OSBPL10: variants seen among roughly 807,000 people sequenced by gnomAD.
OSBPL10 encodes the protein oxysterol binding protein like 10, also known as oxysterol-binding protein-related protein 10.
A neutral mutation model predicts 81.7 loss-of-function variants in OSBPL10; 49 were observed. The ratio of observed to expected loss-of-function variants is 0.60; its 90% confidence interval spans 0.48 to 0.76. OSBPL10 has a LOEUF of 0.76. Among genes scored for constraint, OSBPL10 ranks in the 30% least tolerant of loss-of-function variants. The pLI, the probability that OSBPL10 is intolerant of heterozygous loss-of-function variation, is 0.00. For missense variants in OSBPL10, 923 were observed against 987.8 expected (o/e 0.93, Z 0.88); for synonymous variants, 419 against 383.6 (o/e 1.09, Z -1.08).
At chr3:31,776,401 T>C (rs534205766) in intron 4 of OSBPL10, among the ~76,000 whole-genome samples, 1 of 152,250 alleles carries the variant, frequency 6.6e-6, no homozygotes, top group South Asian at 2.1e-4. Flanking sequence ...CGAAAAACAG[T>C]TGGGCAGTTC....
At chr3:32,070,884 T>C (rs1699823751) in intron 1 of OSBPL10, among the ~76,000 whole-genome samples, 1 of 152,198 alleles carries the variant, frequency 6.6e-6, no homozygotes, top group African/African-American at 2.4e-5. Context: ...CTCTTTGCTT[T>C]TACCTGGACT....
chr3:31,871,279 G>A (rs376519477), intron 3 of OSBPL10, among the ~76,000 whole-genome samples: 1 of 151,988 alleles, frequency 6.6e-6, no homozygotes, highest in Non-Finnish European at 1.5e-5. Flanking sequence ...GAGCCCACCG[G>A]GAGGAAGGAA....
chr3:31,830,301 T>C, intron 3 of OSBPL10, 70 bp from the exon 4 acceptor site: 3 of 1,460,454 alleles, frequency 2.1e-6, no homozygotes, highest in Non-Finnish European at 2.8e-6. Flanking sequence ...TGGCTTCTAT[T>C]CATTTTGGAC....
At chr3:31,872,313 GA>G (rs1701349815) in intron 3 of OSBPL10, among the ~76,000 whole-genome samples, 1 of 152,224 alleles carries the variant, frequency 6.6e-6, no homozygotes, top group Non-Finnish European at 1.5e-5. Flanking sequence ...GCAAGGACAA[GA>G]AAGCAGGAGA....
intron 3 of OSBPL10, among the ~76,000 whole-genome samples, chr3:31,845,620 C>G (rs1016031741): frequency 6.6e-6 from 1 of 152,164 alleles, no homozygotes; most frequent in African/African-American, 2.4e-5. Context: ...CAGTAAGAAG[C>G]GGTTCTGTGT....
intron 3 of OSBPL10, among the ~76,000 whole-genome samples, chr3:31,870,942 GTATC>G (rs1701308074): frequency 6.6e-6 from 1 of 152,098 alleles, no homozygotes; most frequent in African/African-American, 2.4e-5. Flanking sequence ...TCTATACTCT[GTATC>G]TAACTAATCT....
chr3:31,778,590 T>C (rs1245724175), intron 4 of OSBPL10, among the ~76,000 whole-genome samples: 1 of 152,076 alleles, frequency 6.6e-6, no homozygotes, highest in African/African-American at 2.4e-5. Context: ...ATAACTGGTG[T>C]TCCTGAGAAA....
chr3:31,872,194 G>C (rs1423233105), intron 3 of OSBPL10, among the ~76,000 whole-genome samples: 1 of 152,308 alleles, frequency 6.6e-6, no homozygotes, highest in East Asian at 1.9e-4. Flanking sequence ...TTGTCTGTTT[G>C]TCAGTTTCTG....
At chr3:31,772,505 C>G (rs147794222) in intron 4 of OSBPL10, among the ~76,000 whole-genome samples, 15 of 152,282 alleles carry the variant, frequency 9.9e-5, no homozygotes, top group African/African-American at 3.6e-4. Context: ...GAAAATGAGG[C>G]CCAAAAGTGG....
chr3:31,761,471 C>CA (rs112468280), intron 4 of OSBPL10, among the ~76,000 whole-genome samples: 1,417 of 55,808 alleles, frequency 0.025, 13 homozygotes, highest in African/African-American at 0.054. Context: ...GACTCCATTT[C>CA]AAAAAAAAAA....
intron 1 of OSBPL10, among the ~76,000 whole-genome samples, chr3:31,914,574 T>C (rs781356955): frequency 1.5e-4 from 23 of 152,270 alleles, no homozygotes; most frequent in Non-Finnish European, 3.2e-4. Flanking sequence ...AAGATGGGAC[T>C]CTGATTTCCC....
At chr3:31,812,722 GAAA>G (rs1559476061) in intron 4 of OSBPL10, among the ~76,000 whole-genome samples, 17 of 77,390 alleles carry the variant, frequency 2.2e-4, no homozygotes, top group Non-Finnish European at 4.0e-4. Context: ...CAAAAAAAAA[GAAA>G]GAAAGAAAGA....
intron 3 of OSBPL10, among the ~76,000 whole-genome samples, chr3:31,861,714 G>T (rs1701060103): frequency 6.6e-6 from 1 of 152,166 alleles, no homozygotes; most frequent in South Asian, 2.1e-4. Flanking sequence ...GAGGTTAAAA[G>T]TGACTACTAT....
chr3:31,695,488 A>G (rs1428768428), intron 7 of OSBPL10, among the ~76,000 whole-genome samples: 4 of 152,126 alleles, frequency 2.6e-5, no homozygotes, highest in Admixed American at 6.6e-5. Flanking sequence ...CACTCCCAGT[A>G]TAGAGTCCCT....
chr3:31,818,442 G>C (rs66857543), intron 4 of OSBPL10, among the ~76,000 whole-genome samples: 104,606 of 151,556 alleles, frequency 0.69, 36,617 homozygotes, highest in East Asian at 0.93. Flanking sequence ...TGTGTGCACG[G>C]GTGCATATGT....
At chr3:32,040,846 T>C (rs1699567981) in intron 2 of OSBPL10, among the ~76,000 whole-genome samples, 1 of 152,068 alleles carries the variant, frequency 6.6e-6, no homozygotes, top group Admixed American at 6.6e-5. Flanking sequence ...CTAATAAAAG[T>C]TAAAAATTGT....
At chr3:31,878,226 C>T (rs1410160660) in intron 2 of OSBPL10, among the ~76,000 whole-genome samples, 1 of 152,134 alleles carries the variant, frequency 6.6e-6, no homozygotes, top group East Asian at 1.9e-4. Context: ...AACAAGATGG[C>T]TCAATTGTCA....
intron 2 of OSBPL10, among the ~76,000 whole-genome samples, chr3:31,999,666 A>C (rs1699126285): frequency 6.6e-6 from 1 of 152,012 alleles, no homozygotes; most frequent in South Asian, 2.1e-4. Flanking sequence ...CGGCCTCAAA[A>C]TCATTTTTAA....
chr3:31,770,819 G>A (rs2125746063), intron 4 of OSBPL10, among the ~76,000 whole-genome samples: 1 of 152,218 alleles, frequency 6.6e-6, no homozygotes. Flanking sequence ...TTTGAGCTCA[G>A]CTTCACGGAA....
Sources: gnomAD v4.1 joint callset for allele counts (sites outside exome capture counted in the v4.1 genomes callset) on GRCh38, gnomAD v4.1.1 for gene constraint, MANE v1.5 for transcripts, NCBI Gene and HGNC (gene_info 2026-07-23, HGNC 2026-07-21) for gene names.